SHISA6: variants seen among roughly 807,000 people sequenced by gnomAD.
SHISA6 encodes the protein shisa family member 6, also known as protein shisa-6.
Under a neutral mutation model 47.9 loss-of-function variants are expected in SHISA6, and 22 were observed. That is an observed-to-expected ratio of 0.46 (90% CI 0.33 to 0.66). The LOEUF (loss-of-function observed/expected upper bound fraction) is 0.66, where lower values mean the gene tolerates loss of function less well. Ranked by LOEUF, SHISA6 falls within the 30% of genes least tolerant of loss-of-function variation. The probability of loss-of-function intolerance (pLI) is 0.02; values close to 1 mark genes in which losing one functional copy is unlikely to be tolerated. For synonymous variants in SHISA6, 388 were observed against 337.8 expected (o/e 1.15, Z -1.63); for missense variants, 680 against 764.6 (o/e 0.89, Z 1.30).
intron 3 of SHISA6, among the ~76,000 whole-genome samples, chr17:11,543,902 T>G (rs917030663): frequency 1.5e-5 from 2 of 131,266 alleles, no homozygotes; most frequent in African/African-American, 6.3e-5. Flanking sequence ...CAATTGGATA[T>G]TTATAAGCAA....
chr17:11,423,233 G>T (rs1914499174), intron 3 of SHISA6, among the ~76,000 whole-genome samples: 1 of 140,222 alleles, frequency 7.1e-6, no homozygotes, highest in African/African-American at 2.9e-5. Context: ...GTGTGTGTGT[G>T]TGTGTGTATA....
chr17:11,515,330 AAGGAAGG>A (rs2071576298), intron 3 of SHISA6, among the ~76,000 whole-genome samples: 1 of 130,278 alleles, frequency 7.7e-6, no homozygotes, highest in South Asian at 2.3e-4. Context: ...GGAAGGAAGG[AAGGAAGG>A]AAGGAAGGAA....
At chr17:11,385,251 G>A (rs1186992154) in intron 3 of SHISA6, among the ~76,000 whole-genome samples, 2 of 152,154 alleles carry the variant, frequency 1.3e-5, no homozygotes, top group Admixed American at 1.3e-4. Context: ...GGATTCCCGG[G>A]GAGAAGGGTC....
At chr17:11,245,273 G>A (rs537136851) in intron 1 of SHISA6, among the ~76,000 whole-genome samples, 94 of 152,316 alleles carry the variant, frequency 6.2e-4, no homozygotes, top group South Asian at 2.3e-3. Context: ...CAGGGCAGCC[G>A]TGCCTGCCTT....
chr17:11,360,128 T>C (rs1280110897), intron 2 of SHISA6, among the ~76,000 whole-genome samples: 2 of 152,200 alleles, frequency 1.3e-5, no homozygotes, highest in Non-Finnish European at 2.9e-5. Flanking sequence ...CATGGAATAC[T>C]ATGCAGCCAC....
Position 11,470,317 on chromosome 17 carries a change from C to T in SHISA6, c.896-81579C>T, listed in dbSNP as rs77798515. On this transcript the variant is annotated intron_variant, in intron 3 of 5. Transcript: ENST00000441885. ...CAACTCAGAGCATTTCTGCTGTTTT[C>T]CCCTCTGAGCTTCCCCAACTCAAAT... Among the ~76,000 whole-genome samples the T allele has an allele frequency of 6.4e-3, 974 of 152,296 alleles. 10 individuals carry two copies. The highest frequency in any genetic ancestry group is 0.022 in the African/African-American group (910 of 41,562).
intron 3 of SHISA6, among the ~76,000 whole-genome samples, chr17:11,445,014 G>GCAGTA (rs907429688): frequency 2.6e-5 from 4 of 152,312 alleles, no homozygotes; most frequent in African/African-American, 7.2e-5. Context: ...TCTAGAAAAT[G>GCAGTA]CAGCTGTAGA....
At chr17:11,350,185 T>A (rs894062354) in intron 2 of SHISA6, among the ~76,000 whole-genome samples, 23 of 118,512 alleles carry the variant, frequency 1.9e-4, no homozygotes, top group East Asian at 4.8e-4. Flanking sequence ...TTTATTTATT[T>A]TTTTTTTTTT....
intron 3 of SHISA6, among the ~76,000 whole-genome samples, chr17:11,476,503 T>C: frequency 6.6e-6 from 1 of 152,080 alleles, no homozygotes; most frequent in East Asian, 1.9e-4. Flanking sequence ...GTTCAAAATA[T>C]CTTTGATTTC....
intron 3 of SHISA6, among the ~76,000 whole-genome samples, chr17:11,420,039 A>G (rs1304987184): frequency 6.6e-6 from 1 of 152,164 alleles, no homozygotes; most frequent in African/African-American, 2.4e-5. Context: ...CTCTGTCTCT[A>G]CTAAAAATAC....
At chr17:11,361,321 A>G (rs530470449) in intron 2 of SHISA6, among the ~76,000 whole-genome samples, 7 of 152,280 alleles carry the variant, frequency 4.6e-5, no homozygotes, top group Admixed American at 4.6e-4. Flanking sequence ...CACAATATCT[A>G]ATGTGTGTAC....
intron 2 of SHISA6, among the ~76,000 whole-genome samples, chr17:11,280,980 G>T (rs1909096104): frequency 6.6e-6 from 1 of 152,108 alleles, no homozygotes; most frequent in Non-Finnish European, 1.5e-5. Context: ...ATTGTTTATT[G>T]GTGGTATATA....
intron 2 of SHISA6, among the ~76,000 whole-genome samples, chr17:11,277,314 A>C (rs1487742889): frequency 2.1e-5 from 3 of 142,886 alleles, no homozygotes; most frequent in Non-Finnish European, 3.0e-5. Flanking sequence ...ACACACACAC[A>C]CACACCCCGC....
intron 3 of SHISA6, among the ~76,000 whole-genome samples, chr17:11,382,514 C>T (rs1365096554): frequency 2.0e-5 from 3 of 152,174 alleles, no homozygotes; most frequent in African/African-American, 7.2e-5. Flanking sequence ...AGCAACTGGC[C>T]CCATGTAAAT....
intron 3 of SHISA6, among the ~76,000 whole-genome samples, chr17:11,502,148 G>A (rs535190942): frequency 3.3e-5 from 5 of 151,806 alleles, no homozygotes; most frequent in East Asian, 2.0e-4. Context: ...GGTGGCTCAC[G>A]CCTGTAATCC....
At chr17:11,365,669 G>T (rs752578713) in intron 2 of SHISA6, among the ~76,000 whole-genome samples, 1 of 152,172 alleles carries the variant, frequency 6.6e-6, no homozygotes, top group African/African-American at 2.4e-5. Context: ...CATTTAGTCC[G>T]TTAATCCATT....
At chr17:11,273,384 A>G (rs1908754638) in intron 2 of SHISA6, among the ~76,000 whole-genome samples, 1 of 152,180 alleles carries the variant, frequency 6.6e-6, no homozygotes, top group Non-Finnish European at 1.5e-5. Context: ...TGGGGAGGAC[A>G]CCAGAGGAGG....
intron 2 of SHISA6, among the ~76,000 whole-genome samples, chr17:11,338,313 A>G (rs1373387786): frequency 6.6e-6 from 1 of 152,214 alleles, no homozygotes; most frequent in Non-Finnish European, 1.5e-5. Context: ...AGGAGCGACT[A>G]CTAGTGAAAG....
chr17:11,495,706 C>A (rs370419070), intron 3 of SHISA6, among the ~76,000 whole-genome samples: 32 of 152,320 alleles, frequency 2.1e-4, no homozygotes, highest in African/African-American at 7.2e-4. Context: ...CTGAAACAGG[C>A]CGGCCACCCT....
Sources: allele counts gnomAD v4.1 joint callset (sites outside exome capture counted in the v4.1 genomes callset), GRCh38; gene constraint gnomAD v4.1.1; transcripts MANE v1.5; gene names NCBI Gene and HGNC (gene_info 2026-07-23, HGNC 2026-07-21).